The following EPHA5 variants were observed in gnomAD, a reference collection of about 807,000 sequenced individuals.
EPHA5 encodes the protein EPH receptor A5.
EPHA5 carries 60 observed loss-of-function variants against 105.0 expected under a neutral mutation model. That is an observed-to-expected ratio of 0.57 (90% CI 0.46 to 0.71). The LOEUF (loss-of-function observed/expected upper bound fraction) is 0.71, where lower values mean the gene tolerates loss of function less well. EPHA5 is among the 30% of genes least tolerant of loss of function. The pLI is 0.00. For synonymous variants in EPHA5, 513 were observed against 449.1 expected (o/e 1.14, Z -1.80); for missense variants, 1,218 against 1,274.7 (o/e 0.96, Z 0.68).
At chr4:65,649,920 C>T (rs1368823010) in intron 1 of EPHA5, among the ~76,000 whole-genome samples, 1 of 152,116 alleles carries the variant, frequency 6.6e-6, no homozygotes, top group African/African-American at 2.4e-5. Context: ...CTTACTGTAC[C>T]ATCCCTTCAA....
At chr4:65,480,890 T>TAA in intron 5 of EPHA5, among the ~76,000 whole-genome samples, 1 of 151,486 alleles carries the variant, frequency 6.6e-6, no homozygotes. Flanking sequence ...ATAATAATAA[T>TAA]TCCCAGGAGA....
Position 65,473,347 on chromosome 4 carries a change from C to G in EPHA5, c.1402+17030G>C, listed in dbSNP as rs1486670926. On this transcript the variant is annotated intron_variant, in intron 5 of 16. Transcript: ENST00000613740. ...AGAGGTACCCCGCTCTCTGAAGTAC[C>G]AATTTCCTTTATTAAACCATTCTCA... Among the ~76,000 whole-genome samples, 3 of 152,154 alleles carry G rather than the reference C, an allele frequency of 2.0e-5. No individual in the cohort carries two copies. In the East Asian group the frequency reaches 5.8e-4, roughly 29 times the overall value.
In EPHA5 at chr4:65,366,039, C is replaced by T; in HGVS notation, c.1880G>A (p.Arg627Lys). 2 of 1,597,882 alleles carry T rather than the reference C, an allele frequency of 1.3e-6. No homozygotes were observed. The highest frequency in any genetic ancestry group is 1.7e-6 in the Non-Finnish European group (2 of 1,168,554). Residue 627 changes from arginine to lysine, a missense_variant, in exon 10 of 17, where the codon AGA becomes AAA. This residue lies in a region of EPHA5 where 971 missense variants were observed against 1,013.5 expected (regional missense o/e 0.96). Coordinates refer to ENST00000613740, the MANE Select transcript of EPHA5 (RefSeq NM_001281766.3). The part of the protein sequence containing the change: ...HNGHIKLPGV[R>K]TYIDPHTYED... ...ATAGGTATGTGGATCAATGTAAGTT[C>T]TTACTCCTGGCAGTTTAACTGTAAA... is the stretch of plus-strand genomic sequence containing the variant.
chr4:65,580,482 T>G (rs1741504026), intron 3 of EPHA5, among the ~76,000 whole-genome samples: 1 of 151,872 alleles, frequency 6.6e-6, no homozygotes, highest in Admixed American at 6.6e-5. Context: ...GAAGACTATG[T>G]CCAGAAAACC....
At chr4:65,585,035 C>G (rs1741979877) in intron 3 of EPHA5, among the ~76,000 whole-genome samples, 1 of 151,708 alleles carries the variant, frequency 6.6e-6, no homozygotes. Flanking sequence ...CCCTCCAGCT[C>G]CAGTACTTAC....
At chr4:65,506,720 T>C in intron 3 of EPHA5, among the ~76,000 whole-genome samples, 1 of 151,586 alleles carries the variant, frequency 6.6e-6, no homozygotes. Context: ...GATGGAGTTG[T>C]TTGTTTTTTT....
chr4:65,549,461 A>G (rs1031911295), intron 3 of EPHA5, among the ~76,000 whole-genome samples: 4 of 152,190 alleles, frequency 2.6e-5, no homozygotes, highest in African/African-American at 9.6e-5. Context: ...AACAATGATA[A>G]TATGTGTTGT....
intron 3 of EPHA5, among the ~76,000 whole-genome samples, chr4:65,514,202 T>C (rs1230447283): frequency 1.3e-5 from 2 of 152,124 alleles, no homozygotes; most frequent in Non-Finnish European, 2.9e-5. Context: ...GTAGATTTTA[T>C]TTCCCACTGT....
At chr4:65,517,966 G>A (rs868442213) in intron 3 of EPHA5, among the ~76,000 whole-genome samples, 26 of 151,942 alleles carry the variant, frequency 1.7e-4, no homozygotes, top group Admixed American at 3.9e-4. Flanking sequence ...AATAAGATTT[G>A]TAAGCAAACT....
chr4:65,324,225 T>C lies in EPHA5; in HGVS notation c.2946-6A>G. On this transcript the variant is annotated splice_polypyrimidine_tract_variant and splice_region_variant and intron_variant, in intron 16 of 16. Coordinates refer to ENST00000613740, the MANE Select transcript of EPHA5 (RefSeq NM_001281766.3). ...CTCCAAGCCGTCTCAAATCCCTGCA[T>C]GAAGAAAGCACACATTGGATGTATT... 1.3e-6 allele frequency: 2 copies of C among 1,598,148 alleles called. No individual in the cohort carries two copies. The highest frequency in any genetic ancestry group is 1.1e-5 in the South Asian group (1 of 90,420).
intron 8 of EPHA5, among the ~76,000 whole-genome samples, chr4:65,386,045 T>C (rs1720051836): frequency 1.3e-5 from 2 of 151,832 alleles, no homozygotes; most frequent in African/African-American, 4.8e-5. Context: ...AAAATATCAA[T>C]TTAAATCCCC....
chr4:65,332,156 A>C (rs1037731468), intron 15 of EPHA5, 28 bp from the exon 16 acceptor site: 1 of 1,518,092 alleles, frequency 6.6e-7, no homozygotes, highest in African/African-American at 1.4e-5. Flanking sequence ...TAAATATTAA[A>C]AGTTACAATT....
At chr4:65,433,017 A>G (rs2149067526) in intron 5 of EPHA5, among the ~76,000 whole-genome samples, 1 of 152,232 alleles carries the variant, frequency 6.6e-6, no homozygotes, top group Non-Finnish European at 1.5e-5. Flanking sequence ...TGTTTAGTAA[A>G]GTTAATTCAA....
chr4:65,532,373 A>G (rs1257914734), intron 3 of EPHA5, among the ~76,000 whole-genome samples: 1 of 151,928 alleles, frequency 6.6e-6, no homozygotes, highest in Non-Finnish European at 1.5e-5. Flanking sequence ...AACTAATGAT[A>G]TTTTAGTAAT....
intron 5 of EPHA5, 66 bp downstream of exon 5, chr4:65,490,310 GT>G: frequency 2.1e-6 from 3 of 1,455,340 alleles, no homozygotes; most frequent in Non-Finnish European, 2.8e-6. Flanking sequence ...CAACTTGGCC[GT>G]CAGCTATGGA....
At chr4:65,654,182 C>G (rs1414075313) in intron 1 of EPHA5, among the ~76,000 whole-genome samples, 2 of 151,186 alleles carry the variant, frequency 1.3e-5, no homozygotes, top group African/African-American at 4.9e-5. Flanking sequence ...AAGAAAAACA[C>G]AGACTTCTGT....
At chr4:65,383,525 CT>C (rs1719781121) in intron 8 of EPHA5, among the ~76,000 whole-genome samples, 1 of 151,858 alleles carries the variant, frequency 6.6e-6, no homozygotes, top group Non-Finnish European at 1.5e-5. Context: ...CTATTTTTAT[CT>C]TTGGCAAGAA....
chr4:65,567,928 A>T (rs1332498823), intron 3 of EPHA5, among the ~76,000 whole-genome samples: 1 of 150,704 alleles, frequency 6.6e-6, no homozygotes, highest in Non-Finnish European at 1.5e-5. Flanking sequence ...TATTCTTTGA[A>T]TTTTTTTTTC....
intron 3 of EPHA5, among the ~76,000 whole-genome samples, chr4:65,537,471 T>C (rs1236431399): frequency 2.6e-5 from 4 of 151,806 alleles, no homozygotes; most frequent in African/African-American, 4.8e-5. Context: ...TAGAATATAC[T>C]TCAAAATAAA....
Sources: allele counts gnomAD v4.1 joint callset (sites outside exome capture counted in the v4.1 genomes callset), GRCh38; gene constraint gnomAD v4.1.1; regional missense constraint gnomAD v4.1.1; transcripts MANE v1.5; gene names NCBI Gene and HGNC (gene_info 2026-07-23, HGNC 2026-07-21).